AUTS2: variants seen among roughly 807,000 people sequenced by gnomAD.
AUTS2 encodes the protein activator of transcription and developmental regulator AUTS2, also known as autism susceptibility gene 2 protein.
A neutral mutation model predicts 112.4 loss-of-function variants in AUTS2; 17 were observed. The observed-to-expected ratio is 0.15, with a 90% CI of 0.10 to 0.23. The LOEUF (loss-of-function observed/expected upper bound fraction) is 0.23, where lower values mean the gene tolerates loss of function less well. AUTS2 is among the 10% of genes least tolerant of loss of function. The pLI is 1.00. For synonymous variants in AUTS2, 751 were observed against 702.7 expected (o/e 1.07, Z -1.09); for missense variants, 1,510 against 1,701.6 (o/e 0.89, Z 1.98).
At chr7:70,052,525 G>T (rs1341393498) in intron 2 of AUTS2, among the ~76,000 whole-genome samples, 1 of 152,188 alleles carries the variant, frequency 6.6e-6, no homozygotes, top group African/African-American at 2.4e-5. Flanking sequence ...ACTGCATGAA[G>T]GTGGCTGGCT....
At chr7:70,389,316 T>C (rs555581226) in intron 4 of AUTS2, among the ~76,000 whole-genome samples, 1 of 152,300 alleles carries the variant, frequency 6.6e-6, no homozygotes, top group African/African-American at 2.4e-5. Context: ...CACCCAATCC[T>C]TCAGTGCCTA....
At chr7:70,038,661 T>G (rs1438702653) in intron 2 of AUTS2, among the ~76,000 whole-genome samples, 1 of 152,116 alleles carries the variant, frequency 6.6e-6, no homozygotes, top group African/African-American at 2.4e-5. Flanking sequence ...AGTAGAGAGC[T>G]CAAACCACTG....
At chr7:70,641,418 G>A (rs1805823476) in intron 5 of AUTS2, among the ~76,000 whole-genome samples, 1 of 152,226 alleles carries the variant, frequency 6.6e-6, no homozygotes, top group South Asian at 2.1e-4. Context: ...CGGGCATGGC[G>A]GTCAGCACCT....
chr7:70,110,357 A>G (rs1381382546), intron 2 of AUTS2, among the ~76,000 whole-genome samples: 3 of 152,148 alleles, frequency 2.0e-5, no homozygotes, highest in Admixed American at 2.0e-4. Flanking sequence ...CTTTACTAAA[A>G]ATACAGAAAT....
At chr7:70,143,724 A>G (rs1186407523) in intron 4 of AUTS2, among the ~76,000 whole-genome samples, 2 of 152,198 alleles carry the variant, frequency 1.3e-5, no homozygotes, top group East Asian at 1.9e-4. Flanking sequence ...GTTTTCAAGT[A>G]GAAACATTGC....
At chr7:70,566,141 T>C (rs1801698203) in intron 5 of AUTS2, among the ~76,000 whole-genome samples, 2 of 152,188 alleles carry the variant, frequency 1.3e-5, no homozygotes, top group African/African-American at 4.8e-5. Flanking sequence ...CTCCAAATAA[T>C]AGCACTTTCA....
At chr7:70,729,496 C>T (rs776509120) in intron 6 of AUTS2, among the ~76,000 whole-genome samples, 5 of 152,218 alleles carry the variant, frequency 3.3e-5, no homozygotes, top group Admixed American at 2.0e-4. Context: ...CACATTCAAC[C>T]CTCGTTTTCT....
At chr7:70,305,779 C>G (rs1789465649) in intron 4 of AUTS2, among the ~76,000 whole-genome samples, 1 of 152,156 alleles carries the variant, frequency 6.6e-6, no homozygotes, top group African/African-American at 2.4e-5. Flanking sequence ...AATTTTCCAT[C>G]ATTTCAAGGT....
chr7:69,784,216 G>C (rs1198899951), intron 1 of AUTS2, among the ~76,000 whole-genome samples: 1 of 152,148 alleles, frequency 6.6e-6, no homozygotes, highest in East Asian at 1.9e-4. Context: ...ATTAGTTTTG[G>C]AGAGATCTAG....
intron 1 of AUTS2, among the ~76,000 whole-genome samples, chr7:69,858,599 G>A (rs1792840238): frequency 6.6e-6 from 1 of 152,210 alleles, no homozygotes; most frequent in Admixed American, 6.5e-5. Context: ...GCTGAGAATA[G>A]AATGGATGGA....
rs1792270562 is a variant in AUTS2 at position 69,599,777 on chromosome 7, C to G, written c.124C>G (p.Arg42Gly). The change falls in exon 1 of 19, where the codon CGG becomes GGG. Residue 42 changes from arginine (R) to glycine (G), a missense_variant. This residue lies in a region of AUTS2 where 535 missense variants were observed against 594.3 expected (regional missense o/e 0.90). Coordinates refer to ENST00000342771, the MANE Select transcript of AUTS2 (RefSeq NM_015570.4). The surrounding 1 kb of genome is among the most constrained non-coding windows in gnomAD (Gnocchi z 7.0). The stretch of plus-strand genomic sequence containing the variant: ...CGCGGCCGGCGGCGGCGGGGCTGGC[C>G]GGACCCGGGCGCTCTCACTCGCCTC... The part of the protein sequence containing the change: ...AGAAGGGGAG[R>G]TRALSLASSS... 6.6e-7 allele frequency: 1 copy of G among 1,515,100 alleles called. No homozygotes were observed. Among genetic ancestry groups the G allele is most frequent in the Non-Finnish European group, 8.8e-7 (1 of 1,133,104 alleles). The allele number at this position is 1,515,100 out of a possible 1,614,324, so 93.9% of individuals were successfully genotyped here.
chr7:70,615,190 G>A (rs1804292421), intron 5 of AUTS2, among the ~76,000 whole-genome samples: 3 of 152,216 alleles, frequency 2.0e-5, no homozygotes, highest in South Asian at 4.1e-4. Flanking sequence ...TAGTTGGAAA[G>A]GAGATGGCAC....
intron 5 of AUTS2, among the ~76,000 whole-genome samples, chr7:70,667,042 A>C (rs2129543553): frequency 6.6e-6 from 1 of 152,168 alleles, no homozygotes; most frequent in South Asian, 2.1e-4. Context: ...CCTTGTACTA[A>C]ATACATTTTT....
At chr7:69,947,043 T>C (rs1483185199) in intron 2 of AUTS2, among the ~76,000 whole-genome samples, 3 of 152,064 alleles carry the variant, frequency 2.0e-5, no homozygotes, top group Admixed American at 6.5e-5. Context: ...CAGCCAGAAG[T>C]GTTTGAGTGT....
chr7:69,672,474 G>A (rs916147663), intron 1 of AUTS2, among the ~76,000 whole-genome samples: 1 of 152,122 alleles, frequency 6.6e-6, no homozygotes, highest in African/African-American at 2.4e-5. Context: ...CTTTTATACC[G>A]TCAATGCAAA....
chr7:70,583,248 T>A (rs1802533275), intron 5 of AUTS2, among the ~76,000 whole-genome samples: 1 of 152,228 alleles, frequency 6.6e-6, no homozygotes, highest in Admixed American at 6.5e-5. Context: ...AGAGATTATA[T>A]TTTTAGCAAC....
rs564095039 is a variant in AUTS2 at position 70,436,073 on chromosome 7, ATTAT to A, written c.690+299_690+302del. 1,129 of 324,656 alleles carry A rather than the reference ATTAT, an allele frequency of 3.5e-3. 9 individuals carry two copies. The highest frequency in any genetic ancestry group is 0.017 in the African/African-American group (786 of 47,330). The allele number at this position is 324,656 out of a possible 1,614,324, so 20.1% of individuals were successfully genotyped here. On this transcript the variant is annotated intron_variant, in intron 5 of 18. Coordinates refer to ENST00000342771, the MANE Select transcript of AUTS2 (RefSeq NM_015570.4). ...ACTCAAAAACATTTTAAAAGACAAA[ATTAT>A]TTATTTTAATAACCATCTGATTTTT...
chr7:69,897,224 T>C (rs1794786719), intron 1 of AUTS2, among the ~76,000 whole-genome samples: 1 of 151,420 alleles, frequency 6.6e-6, no homozygotes, highest in Admixed American at 6.6e-5. Context: ...AAGGGAGGAG[T>C]GTGTAAGAGA....
rs922086167 is a variant in AUTS2 at position 70,540,334 on chromosome 7, G to A, written c.690+104553G>A. Among the ~76,000 whole-genome samples the A allele has an allele frequency of 2.6e-5, 4 of 152,244 alleles. No homozygotes were observed. The East Asian group carries it at 5.8e-4, about 22-fold the overall frequency. On this transcript the variant is annotated intron_variant, in intron 5 of 18. Coordinates refer to ENST00000342771, the MANE Select transcript of AUTS2 (RefSeq NM_015570.4). Reference sequence around the variant, plus strand: ...CAGCTACCCCCCTAGCAGATATGTGGGGAGCCTACTGGGCAATGCCTTGTA... The same window carrying A: ...CAGCTACCCCCCTAGCAGATATGTGAGGAGCCTACTGGGCAATGCCTTGTA...
Sources: gnomAD v4.1 joint callset for allele counts (sites outside exome capture counted in the v4.1 genomes callset) on GRCh38, gnomAD v4.1.1 for gene constraint, gnomAD v4.1.1 regional missense constraint, Gnocchi (gnomAD v3.1) non-coding constraint, MANE v1.5 for transcripts, NCBI Gene and HGNC (gene_info 2026-07-23, HGNC 2026-07-21) for gene names.